PEAR1: variants seen among roughly 807,000 people sequenced by gnomAD.
PEAR1 encodes multiple EGF-like domains protein 12.
PEAR1 carries 113 observed loss-of-function variants against 131.2 expected under a neutral mutation model. The ratio of observed to expected loss-of-function variants is 0.86; its 90% CI spans 0.74 to 1.01. The LOEUF (loss-of-function observed/expected upper bound fraction) is 1.01. Among genes scored for constraint, PEAR1 ranks in the 50% least tolerant of loss-of-function variants. The pLI is 0.00. For synonymous variants in PEAR1, 565 were observed against 523.3 expected, an observed-to-expected ratio of 1.08 and a Z score of -1.09; for missense variants, 1,408 against 1,391.1, an observed-to-expected ratio of 1.01 and a Z score of -0.19.
intron 15 of PEAR1, among the ~76,000 whole-genome samples, chr1:156,911,076 T>TC (rs112908637): frequency 0.021 from 2,237 of 105,216 alleles, 27 homozygotes; most frequent in African/African-American, 0.04. Context: ...TTTCTTTCTT[T>TC]CTTTCTTTCT....
Position 156,916,299 on chromosome 1 carries a change from T to C in PEAR1, c.*1501T>C, listed in dbSNP as rs184238237. The C allele has an allele frequency of 6.6e-6, 1 of 152,338 alleles. No homozygotes were observed. The highest frequency in any genetic ancestry group is 1.5e-5 in the Non-Finnish European group (1 of 68,034). 9.4% of individuals were successfully genotyped at this position (152,338 alleles called of 1,614,324 possible). ...ATTGCATTTTGGTAATTGCTTGCAA[T>C]ATTTCAAGCATTTTCATTGTTATTA... On this transcript the variant is annotated 3_prime_UTR_variant, in exon 23 of 23. Transcript: ENST00000292357.
chr1:156,894,512 C>G (rs1392696807), intron 1 of PEAR1, among the ~76,000 whole-genome samples: 1 of 152,210 alleles, frequency 6.6e-6, no homozygotes, highest in Non-Finnish European at 1.5e-5. Flanking sequence ...AGGTCCCTGG[C>G]TCTCACATCT....
intron 11 of PEAR1, 97 bp downstream of exon 11, chr1:156,909,133 GC>G: frequency 6.5e-7 from 1 of 1,529,486 alleles, no homozygotes; most frequent in Non-Finnish European, 8.9e-7. Flanking sequence ...CAGGGGAGCG[GC>G]TGCAGGGTAA....
rs982966464 is a variant in PEAR1, at chr1:156,902,226, C to T, written c.-9-1692C>T. Reference sequence around the variant, plus strand: ...AACGCTGGGATCCCCCAGGACATTCCCTGGCCCCCAGGCCCCAGGTCCCAG... The same window carrying T: ...AACGCTGGGATCCCCCAGGACATTCTCTGGCCCCCAGGCCCCAGGTCCCAG... On this transcript the variant is annotated intron_variant, in intron 1 of 22. Coordinates refer to ENST00000292357, the MANE Select transcript of PEAR1 (RefSeq NM_001080471.3). This position sits in a 1 kb window ranked among gnomAD's most constrained non-coding sequence, Gnocchi z 4.3. 3.3e-5 allele frequency: 5 copies of T among 152,434 alleles called. No homozygotes were observed. The highest frequency in any genetic ancestry group is 2.1e-4 in the South Asian group (1 of 4,832). The allele number at this position is 152,434 out of a possible 1,614,324, so 9.4% of individuals were successfully genotyped here. A position where few individuals can be genotyped will look rare whatever the true frequency, so the allele number is the denominator to read the frequency against.
At position 156,914,794 on chromosome 1, in the gene PEAR1, G is replaced by A. The variant is rs754877519; in HGVS notation, c.3110G>A (p.Arg1037His). 6 of 1,613,434 alleles carry A rather than the reference G, an allele frequency of 3.7e-6. 1 individual carries two copies. Among genetic ancestry groups the A allele is most frequent in the Admixed American group, 3.3e-5 (2 of 59,952 alleles). Residue 1037 changes from arginine (R) to histidine (H), a missense_variant, in exon 23 of 23, where the codon CGT (arginine) becomes CAT (histidine). Physicochemically the swap from Arg to His is conservative, Grantham distance 29 (BLOSUM62 0). Transcript: ENST00000292357. ...TCACCTCCACTTCGACGCCAGGACC[G>A]TTGAGGAGCCAGGATGGTATGGCAG... ...PPSPPLRRQD[R>H]
rs762449276 is a variant in PEAR1, at chr1:156,910,665, G to T, written c.1873G>T (p.Ala625Ser). 6.2e-7 allele frequency: 1 copy of T among 1,614,086 alleles called. No individual in the cohort carries two copies. Among genetic ancestry groups the T allele is most frequent in the South Asian group, 1.1e-5 (1 of 91,086 alleles). The change falls in exon 15 of 23, where the codon GCT (alanine) becomes TCT (serine). Residue 625 changes from alanine to serine, a missense_variant. Ala to Ser is a moderately conservative substitution (Grantham distance 99). Coordinates refer to ENST00000292357, the MANE Select transcript of PEAR1 (RefSeq NM_001080471.3). ...YGKRCVPCKC[A>S]NHSFCHPSNG... Reference sequence around the variant, plus strand: ...CAAACGCTGTGTGCCCTGCAAGTGCGCTAACCACTCCTTCTGCCACCCCTC... The same window carrying T: ...CAAACGCTGTGTGCCCTGCAAGTGCTCTAACCACTCCTTCTGCCACCCCTC...
chr1:156,914,554 A>G, intron 22 of PEAR1, 93 bp from the exon 23 acceptor site: 1 of 1,292,800 alleles, frequency 7.7e-7, no homozygotes, highest in Non-Finnish European at 1.1e-6. Flanking sequence ...TGCCTTGAAG[A>G]GGCTGAAGAG....
rs1258688079 is a variant in PEAR1 at position 156,912,326 on chromosome 1, T to C, written c.2031T>C (p.Asp677=). 15 of 1,613,932 alleles carry C rather than the reference T, an allele frequency of 9.3e-6. No individual in the cohort carries two copies. The highest frequency in any genetic ancestry group is 1.2e-5 in the Non-Finnish European group (14 of 1,179,994). The change falls in exon 16 of 23, where the codon GAT becomes GAC. Residue 677 remains aspartate, a synonymous_variant. Coordinates refer to ENST00000292357, the MANE Select transcript of PEAR1 (RefSeq NM_001080471.3). ...CHHGGTCHPQ[D]GSCICPLGWT... ...ATGGTGGGACCTGCCATCCCCAGGA[T>C]GGGAGCTGTATCTGCCCCCTAGGCT... is the stretch of plus-strand genomic sequence containing the variant.
At chr1:156,910,416 G>A (rs1650924016) in intron 14 of PEAR1, 36 bp downstream of exon 14, 2 of 1,562,592 alleles carry the variant, frequency 1.3e-6, no homozygotes, top group African/African-American at 1.4e-5. Flanking sequence ...CCTGCCACCA[G>A]CAGGGGGCAG....
At position 156,904,865 on chromosome 1, in the gene PEAR1, C is replaced by T. The variant is rs569247521; in HGVS notation, c.206+13C>T. 8 of 1,613,926 alleles carry T rather than the reference C, an allele frequency of 5.0e-6. No homozygotes were observed. The East Asian group carries it at 6.7e-5, about 13-fold the overall frequency. On this transcript the variant is annotated intron_variant, in intron 3 of 22. Transcript: ENST00000292357. ...GCCCCCAGCCCACGTGAGTGCTCCT[C>T]ATCCTCCATGGGTGGATGGGCTACC... is the stretch of plus-strand genomic sequence containing the variant.
chr1:156,910,841 C>T, intron 15 of PEAR1, 98 bp downstream of exon 15: 1 of 1,520,318 alleles, frequency 6.6e-7, no homozygotes, highest in Non-Finnish European at 8.9e-7. Context: ...ATAAAAGCCT[C>T]TGGGCCCACC....
chr1:156,906,281 T>A lies in PEAR1; in HGVS notation c.313T>A (p.Cys105Ser). Residue 105 changes from cysteine to serine, a missense_variant, in exon 5 of 23, where the codon TGT (cysteine) becomes AGT (serine). Coordinates refer to ENST00000292357, the MANE Select transcript of PEAR1 (RefSeq NM_001080471.3). ...YESRGFCVPL[C>S]AQECVHGRCV... ...CACACCCATCTCTGTCCCAGCGCTCTGTGCCCAGGAGTGTGTCCATGGCCG... is the reference window on the plus strand; with the variant it reads ...CACACCCATCTCTGTCCCAGCGCTCAGTGCCCAGGAGTGTGTCCATGGCCG... 2 of 1,614,062 alleles carry A rather than the reference T, an allele frequency of 1.2e-6. No homozygotes were observed. Among genetic ancestry groups the A allele is most frequent in the Non-Finnish European group, 1.7e-6 (2 of 1,179,914 alleles).
At position 156,902,790 on chromosome 1, in the gene PEAR1, G is replaced by T. The variant is rs1310334720; in HGVS notation, c.-9-1128G>T. Among the ~76,000 whole-genome samples, 1 of 152,168 alleles carries T rather than the reference G, an allele frequency of 6.6e-6. No homozygotes were observed. The highest frequency in any genetic ancestry group is 6.5e-5 in the Admixed American group (1 of 15,284). On this transcript the variant is annotated intron_variant, in intron 1 of 22. Coordinates refer to ENST00000292357, the MANE Select transcript of PEAR1 (RefSeq NM_001080471.3). The surrounding 1 kb of genome is among the most constrained non-coding windows in gnomAD (Gnocchi z 4.3). ...TGCAGACCCTGAAGCCGGCTGCGGG[G>T]ATGGGCACTGCGGTAACTCATCCTC...
rs1282143228 is a variant in PEAR1, at chr1:156,908,032, C to G, written c.883C>G (p.Pro295Ala). Residue 295 changes from proline to alanine, a missense_variant, in exon 8 of 23, where the codon CCG becomes GCG. Transcript: ENST00000292357. This position sits in a 1 kb window ranked among gnomAD's most constrained non-coding sequence, Gnocchi z 4.2. The part of the protein sequence containing the change: ...DRFTGQCRCA[P>A]GYTGDRCREE... The stretch of plus-strand genomic sequence containing the variant: ...ATTCACTGGGCAGTGCCGCTGCGCT[C>G]CGGGTTACACTGGGGATCGGTGAGT... 6.5e-7 allele frequency: 1 copy of G among 1,538,724 alleles called. No individual in the cohort carries two copies. Among genetic ancestry groups the G allele is most frequent in the Non-Finnish European group, 8.8e-7 (1 of 1,138,462 alleles).
chr1:156,894,831 TC>T (rs1649004779), intron 1 of PEAR1, among the ~76,000 whole-genome samples: 1 of 152,186 alleles, frequency 6.6e-6, no homozygotes, highest in Non-Finnish European at 1.5e-5. Context: ...AGGGCTCAGC[TC>T]GGGCAGGATT....
intron 1 of PEAR1, among the ~76,000 whole-genome samples, chr1:156,897,971 T>A (rs945571612): frequency 1.3e-5 from 2 of 151,972 alleles, no homozygotes; most frequent in Non-Finnish European, 2.9e-5. Flanking sequence ...CTGAAGGTAA[T>A]CTCGGGGTGG....
At chr1:156,911,184 C>CTT (rs1553269451) in intron 15 of PEAR1, among the ~76,000 whole-genome samples, 1 of 104,356 alleles carries the variant, frequency 9.6e-6, no homozygotes, top group Admixed American at 9.3e-5. Flanking sequence ...TCTTTTCTTT[C>CTT]TTCTTTCTTT....
rs141108373 is a variant in PEAR1 at position 156,908,247 on chromosome 1, C to T, written c.1022C>T (p.Thr341Ile). The change falls in exon 9 of 23, where the codon ACT (threonine) becomes ATT (isoleucine). Residue 341 changes from threonine to isoleucine, a missense_variant. By Grantham distance (89) the Thr-to-Ile change is moderately conservative (BLOSUM62 -1). Coordinates refer to ENST00000292357, the MANE Select transcript of PEAR1 (RefSeq NM_001080471.3). This position sits in a 1 kb window ranked among gnomAD's most constrained non-coding sequence, Gnocchi z 4.2. Reference sequence around the variant, plus strand: ...GCATGTCTGTGCGAACACGGCTTCACTGGGGACCGCTGCACGGATCGCCTC... The same window carrying T: ...GCATGTCTGTGCGAACACGGCTTCATTGGGGACCGCTGCACGGATCGCCTC... ...NGACLCEHGF[T>I]GDRCTDRLCP... 4.2e-5 allele frequency: 67 copies of T among 1,598,016 alleles called. No individual in the cohort carries two copies. In the African/African-American group the frequency reaches 7.6e-4, roughly 18 times the overall value.
chr1:156,896,769 C>A (rs898901032), intron 1 of PEAR1, among the ~76,000 whole-genome samples: 1 of 152,200 alleles, frequency 6.6e-6, no homozygotes, highest in Non-Finnish European at 1.5e-5. Context: ...TGTGGGCATG[C>A]CCCTCCACCT....
Sources: gnomAD v4.1 joint callset for allele counts (sites outside exome capture counted in the v4.1 genomes callset) on GRCh38, gnomAD v4.1.1 for gene constraint, Gnocchi (gnomAD v3.1) non-coding constraint, MANE v1.5 for transcripts, NCBI Gene and HGNC (gene_info 2026-07-23, HGNC 2026-07-21) for gene names.